The following SH3PXD2A variants were observed in gnomAD, a reference collection of about 807,000 sequenced individuals.
SH3PXD2A encodes the protein SH3 and PX domain-containing protein 2A.
In SH3PXD2A, 32 loss-of-function variants were observed where a neutral mutation model predicts 115.2. The observed-to-expected ratio is 0.28, with a 90% CI of 0.21 to 0.37. The LOEUF is 0.37. Ranked by LOEUF, SH3PXD2A falls within the 10% of genes least tolerant of loss-of-function variation. SH3PXD2A has a pLI of 1.00. For missense variants in SH3PXD2A, 1,328 were observed against 1,498.7 expected, an observed-to-expected ratio of 0.89 and a Z score of 1.88; for synonymous variants, 610 against 629.1, an observed-to-expected ratio of 0.97 and a Z score of 0.45.
intron 2 of SH3PXD2A, among the ~76,000 whole-genome samples, chr10:103,778,539 T>C (rs1299649135): frequency 1.3e-5 from 2 of 152,200 alleles, no homozygotes; most frequent in Non-Finnish European, 2.9e-5. Context: ...CTTAATCTCT[T>C]TGTGACCCCA....
intron 3 of SH3PXD2A, among the ~76,000 whole-genome samples, chr10:103,762,014 C>CTTTTTTTTTTTTTTTTTTT (rs79615908): frequency 1.1e-5 from 1 of 90,684 alleles, no homozygotes; most frequent in Non-Finnish European, 2.3e-5. Flanking sequence ...ATCAACACGT[C>CTTTTTTTTTTTTTTTTTTT]TTTTTTTTTT....
chr10:103,835,920 G>C lies in SH3PXD2A; in HGVS notation c.72+19275C>G, dbSNP rs116605761. 1.1e-3 allele frequency among the ~76,000 whole-genome samples: 173 copies of C among 152,304 alleles called. 1 individual carries two copies. The highest frequency in any genetic ancestry group is 3.9e-3 in the African/African-American group (161 of 41,554). On this transcript the variant is annotated intron_variant, in intron 1 of 14. Transcript: ENST00000369774. ...GAGGCCCCTTTCAGCATGAGCAAAG[G>C]CTTGGCTGAATCTCACCAAGCTCCC...
rs2037150257 is a variant in SH3PXD2A at position 103,652,876 on chromosome 10, C to T, written c.604+8107G>A. ...CTCTGTCAGCTCCGCTGCGGGGCTT[C>T]GAGTAGGCAGGCAGTGACAGCTGTA... On this transcript the variant is annotated intron_variant, in intron 8 of 14. Coordinates refer to ENST00000369774, the MANE Select transcript of SH3PXD2A (RefSeq NM_001394015.1). Among the ~76,000 whole-genome samples the T allele has an allele frequency of 2.6e-5, 4 of 152,120 alleles. No individual in the cohort carries two copies. The South Asian group carries it at 8.3e-4, about 32-fold the overall frequency.
At chr10:103,796,803 T>C (rs1202815110) in intron 2 of SH3PXD2A, among the ~76,000 whole-genome samples, 3 of 151,442 alleles carry the variant, frequency 2.0e-5, no homozygotes, top group African/African-American at 7.3e-5. Flanking sequence ...GAATTTCAGA[T>C]AAACGACAAA....
At position 103,613,047 on chromosome 10, in the gene SH3PXD2A, G is replaced by A. The variant is rs150202723; in HGVS notation, c.1064C>T (p.Ala355Val). 12 of 1,614,096 alleles carry A rather than the reference G, an allele frequency of 7.4e-6. No homozygotes were observed. In the African/African-American group the frequency reaches 1.2e-4, roughly 16 times the overall value. Residue 355 changes from alanine (A) to valine (V), a missense_variant, in exon 12 of 15, where the codon GCG becomes GTG. This residue lies in a region of SH3PXD2A where 509 missense variants were observed against 628.3 expected (regional missense o/e 0.81). Transcript: ENST00000369774. ...MEISNLLNKK[A>V]SGDKETPPAE... is the part of the protein sequence containing the mutation. The stretch of plus-strand genomic sequence containing the variant: ...TGGTGGAGTTTCCTTGTCCCCAGAC[G>A]CCTTCTTGTTCAGCAGGTTGCTGAT...
chr10:103,855,206 A>C lies in SH3PXD2A; in HGVS notation c.61T>G (p.Ser21Ala). 1 of 1,537,474 alleles carries C rather than the reference A, an allele frequency of 6.5e-7. No homozygotes were observed. Among genetic ancestry groups the C allele is most frequent in the South Asian group, 1.2e-5 (1 of 82,496 alleles). ...VVDVEKRRNP[S>A]KHYVYIINVT... ...GGGGCTGTACTCACGTAGTGCTTGGAGGGGTTCCTCCGCTTCTCCACGTCC... is the reference window on the plus strand; with the variant it reads ...GGGGCTGTACTCACGTAGTGCTTGGCGGGGTTCCTCCGCTTCTCCACGTCC... The change falls in exon 1 of 15, where the codon TCC becomes GCC. Residue 21 changes from serine (S) to alanine (A), a missense_variant. Around this residue, in one of 5 missense-constraint regions of SH3PXD2A, gnomAD observed 110 missense variants for 160.0 expected, o/e 0.69. Transcript: ENST00000369774.
chr10:103,810,482 A>C (rs2039255279), intron 1 of SH3PXD2A, among the ~76,000 whole-genome samples: 1 of 152,180 alleles, frequency 6.6e-6, no homozygotes, highest in African/African-American at 2.4e-5. Context: ...ACACAGGAGG[A>C]AGATGACTTC....
chr10:103,777,521 T>TG (rs546944746), intron 2 of SH3PXD2A, among the ~76,000 whole-genome samples: 140 of 152,336 alleles, frequency 9.2e-4, no homozygotes, highest in African/African-American at 3.2e-3. Context: ...ACATTTAACA[T>TG]GCTAGGCCTG....
intron 5 of SH3PXD2A, among the ~76,000 whole-genome samples, chr10:103,705,304 C>A (rs1042117894): frequency 4.6e-5 from 7 of 152,148 alleles, no homozygotes; most frequent in African/African-American, 1.4e-4. Context: ...GAAGGGCGGG[C>A]GTGGGCCAGG....
At chr10:103,670,966 C>G (rs1244806808) in intron 6 of SH3PXD2A, among the ~76,000 whole-genome samples, 1 of 152,264 alleles carries the variant, frequency 6.6e-6, no homozygotes, top group Non-Finnish European at 1.5e-5. Context: ...CTGCAAGGCC[C>G]TGAAATGCCC....
chr10:103,645,764 C>T (rs1398815323), intron 8 of SH3PXD2A, among the ~76,000 whole-genome samples: 1 of 152,204 alleles, frequency 6.6e-6, no homozygotes, highest in African/African-American at 2.4e-5. Context: ...CCAGGGACCA[C>T]AAACAAAGTC....
In SH3PXD2A at chr10:103,630,188, G is replaced by A. The variant is rs536809033; in HGVS notation, c.605-2986C>T. Among the ~76,000 whole-genome samples, 7 of 152,334 alleles carry A rather than the reference G, an allele frequency of 4.6e-5. No homozygotes were observed. In the East Asian group the frequency reaches 1.2e-3, roughly 25 times the overall value. ...TGCTCAGAAGCTGTGGCTGATGGAG[G>A]CCCCAAAACAGCCAGAGGGCATGGA... On this transcript the variant is annotated intron_variant, in intron 8 of 14. Coordinates refer to ENST00000369774, the MANE Select transcript of SH3PXD2A (RefSeq NM_001394015.1).
chr10:103,758,816 C>G (rs554063297), intron 3 of SH3PXD2A, among the ~76,000 whole-genome samples: 1 of 152,172 alleles, frequency 6.6e-6, no homozygotes, highest in African/African-American at 2.4e-5. Flanking sequence ...TCTTGTTGAC[C>G]TTTTTAAACC....
chr10:103,729,865 C>T (rs777586003), intron 4 of SH3PXD2A, among the ~76,000 whole-genome samples: 3 of 152,222 alleles, frequency 2.0e-5, no homozygotes, highest in Non-Finnish European at 2.9e-5. Flanking sequence ...TCCTGCCCCT[C>T]AAGACCATTT....
chr10:103,839,269 G>A (rs1017160892), intron 1 of SH3PXD2A, among the ~76,000 whole-genome samples: 3 of 152,088 alleles, frequency 2.0e-5, no homozygotes, highest in South Asian at 4.1e-4. Flanking sequence ...GGTTCGACAC[G>A]AGGCCAAGCA....
chr10:103,662,812 A>G (rs952746884), intron 7 of SH3PXD2A, among the ~76,000 whole-genome samples: 2 of 151,916 alleles, frequency 1.3e-5, no homozygotes, highest in Non-Finnish European at 2.9e-5. Context: ...TTCCTAGTAT[A>G]CTTTTGTTTT....
intron 1 of SH3PXD2A, among the ~76,000 whole-genome samples, chr10:103,827,498 A>C (rs1188073921): frequency 6.6e-6 from 1 of 152,226 alleles, no homozygotes; most frequent in Non-Finnish European, 1.5e-5. Context: ...GGCAAGCTAC[A>C]TGACTCTCTG....
intron 1 of SH3PXD2A, among the ~76,000 whole-genome samples, chr10:103,847,718 C>T (rs1005205702): frequency 6.6e-6 from 1 of 152,142 alleles, no homozygotes; most frequent in Admixed American, 6.5e-5. Flanking sequence ...GCGAGTGGAT[C>T]ACCTGAGGTC....
chr10:103,810,523 A>G (rs1412003208), intron 1 of SH3PXD2A, among the ~76,000 whole-genome samples: 2 of 152,170 alleles, frequency 1.3e-5, no homozygotes, highest in East Asian at 1.9e-4. Flanking sequence ...GATGGATTTG[A>G]ATTTCAATCC....
Sources: allele counts gnomAD v4.1 joint callset (sites outside exome capture counted in the v4.1 genomes callset), GRCh38; gene constraint gnomAD v4.1.1; regional missense constraint gnomAD v4.1.1; transcripts MANE v1.5; gene names NCBI Gene and HGNC (gene_info 2026-07-23, HGNC 2026-07-21).